The following PLCB1 variants were observed in gnomAD, a reference collection of about 807,000 sequenced individuals.
The protein encoded by PLCB1 is phospholipase C beta 1, also known as 1-phosphatidylinositol 4,5-bisphosphate phosphodiesterase beta-1.
A neutral mutation model predicts 161.8 loss-of-function variants in PLCB1; 46 were observed. The ratio of observed to expected loss-of-function variants is 0.28; its 90% CI spans 0.22 to 0.36. The LOEUF (loss-of-function observed/expected upper bound fraction) is 0.36, where lower values mean the gene tolerates loss of function less well. PLCB1 is among the 10% of genes least tolerant of loss of function. PLCB1 has a pLI of 1.00. For missense variants in PLCB1, 1,016 were observed against 1,472.5 expected (o/e 0.69, Z 5.07); for synonymous variants, 517 against 503.7 (o/e 1.03, Z -0.35).
chr20:8,624,691 A>G (rs1056881169), intron 3 of PLCB1, among the ~76,000 whole-genome samples: 1 of 152,250 alleles, frequency 6.6e-6, no homozygotes, highest in Non-Finnish European at 1.5e-5. Flanking sequence ...AATCATTAAC[A>G]TGAGCTTTAA....
At chr20:8,326,062 A>C (rs528616186) in intron 2 of PLCB1, among the ~76,000 whole-genome samples, 1 of 152,304 alleles carries the variant, frequency 6.6e-6, no homozygotes, top group Non-Finnish European at 1.5e-5. Flanking sequence ...ATTCTTTTAA[A>C]AGAGATTTAC....
chr20:8,612,219 G>A (rs1052246970), intron 3 of PLCB1, among the ~76,000 whole-genome samples: 11 of 152,060 alleles, frequency 7.2e-5, no homozygotes, highest in African/African-American at 2.7e-4. Context: ...TTTGTTGAAT[G>A]AATAAAAAAC....
intron 3 of PLCB1, among the ~76,000 whole-genome samples, chr20:8,390,965 G>A (rs1335556997): frequency 1.3e-5 from 2 of 151,446 alleles, no homozygotes; most frequent in African/African-American, 2.4e-5. Context: ...CAAAATGCAC[G>A]TAAGGCACCT....
intron 2 of PLCB1, among the ~76,000 whole-genome samples, chr20:8,312,205 C>T (rs994356256): frequency 1.3e-5 from 2 of 152,078 alleles, no homozygotes; most frequent in African/African-American, 4.8e-5. Context: ...GGTTATAGAT[C>T]TACCCACCCA....
intron 27 of PLCB1, among the ~76,000 whole-genome samples, chr20:8,787,110 C>G (rs1306147888): frequency 6.6e-6 from 1 of 152,148 alleles, no homozygotes; most frequent in Non-Finnish European, 1.5e-5. Flanking sequence ...GTCACATGGC[C>G]ACAAAAAGTT....
chr20:8,270,174 C>T (rs1007356637), intron 2 of PLCB1, among the ~76,000 whole-genome samples: 1 of 152,020 alleles, frequency 6.6e-6, no homozygotes, highest in African/African-American at 2.4e-5. Flanking sequence ...GCACTGTGAC[C>T]CAGATTCACA....
At chr20:8,665,208 C>A (rs1460830609) in intron 9 of PLCB1, among the ~76,000 whole-genome samples, 1 of 152,156 alleles carries the variant, frequency 6.6e-6, no homozygotes, top group Non-Finnish European at 1.5e-5. Context: ...CTTATAAAGC[C>A]ATTTAACTTC....
chr20:8,836,484 A>G (rs1986290356), intron 31 of PLCB1, among the ~76,000 whole-genome samples: 1 of 152,178 alleles, frequency 6.6e-6, no homozygotes, highest in South Asian at 2.1e-4. Flanking sequence ...TTTTGTCCCA[A>G]GAGTGGTTCT....
At chr20:8,557,648 T>A (rs1169221744) in intron 3 of PLCB1, among the ~76,000 whole-genome samples, 1 of 151,958 alleles carries the variant, frequency 6.6e-6, no homozygotes, top group Admixed American at 6.6e-5. Context: ...ACACAACATT[T>A]TGAATTTAGT....
rs1188505689 is a variant in PLCB1, at chr20:8,831,912, C to CTCTTTCTTTCTT, written c.3423+41710_3423+41721dup. On this transcript the variant is annotated intron_variant, in intron 31 of 31. Coordinates refer to ENST00000338037, the MANE Select transcript of PLCB1 (RefSeq NM_015192.4). ...TCTTTCTTTCTCCCTCTCTTTCTTTCTCTTTCTTTCTTTCTTTCTTTCTTT... is the reference window on the plus strand; with the variant it reads ...TCTTTCTTTCTCCCTCTCTTTCTTTCTCTTTCTTTCTTTCTTTCTTTCTTTCTTTCTTTCTTT... Among the ~76,000 whole-genome samples, 103 of 58,668 alleles carry CTCTTTCTTTCTT rather than the reference C, an allele frequency of 1.8e-3. 1 individual carries two copies. The highest frequency in any genetic ancestry group is 4.6e-3 in the African/African-American group (77 of 16,626). 38.5% of individuals were successfully genotyped at this position (58,668 alleles called of 152,430 possible).
At chr20:8,731,709 G>C (rs953681773) in intron 18 of PLCB1, among the ~76,000 whole-genome samples, 1 of 151,698 alleles carries the variant, frequency 6.6e-6, no homozygotes, top group Admixed American at 6.6e-5. Flanking sequence ...TTATCCTTTT[G>C]TTCCCAAAAT....
chr20:8,354,336 A>C (rs773701339), intron 2 of PLCB1, among the ~76,000 whole-genome samples: 12 of 152,192 alleles, frequency 7.9e-5, no homozygotes, highest in Admixed American at 2.0e-4. Context: ...CTAAAAACAA[A>C]ATCTAAAAGT....
intron 31 of PLCB1, among the ~76,000 whole-genome samples, chr20:8,839,445 C>G (rs1202272291): frequency 6.6e-6 from 1 of 152,164 alleles, no homozygotes; most frequent in African/African-American, 2.4e-5. Context: ...CAGGTCCAGG[C>G]TGCTATGCAA....
chr20:8,267,198 C>T (rs553726708), intron 2 of PLCB1, among the ~76,000 whole-genome samples: 1 of 122,136 alleles, frequency 8.2e-6, no homozygotes, highest in East Asian at 2.5e-4. Context: ...AATAATCATG[C>T]CTTAAGGGTT....
chr20:8,501,971 A>G (rs1365439869), intron 3 of PLCB1, among the ~76,000 whole-genome samples: 2 of 143,662 alleles, frequency 1.4e-5, no homozygotes, highest in African/African-American at 2.6e-5. Flanking sequence ...CAAAGTTGAT[A>G]TTGTTTTCTT....
chr20:8,372,711 T>C (rs1315217291), intron 3 of PLCB1, among the ~76,000 whole-genome samples: 1 of 152,216 alleles, frequency 6.6e-6, no homozygotes, highest in Non-Finnish European at 1.5e-5. Flanking sequence ...GTTTTTAGTA[T>C]AGGAAAGAAT....
intron 2 of PLCB1, among the ~76,000 whole-genome samples, chr20:8,325,037 AT>A (rs1286600597): frequency 1.3e-5 from 2 of 152,218 alleles, no homozygotes; most frequent in Non-Finnish European, 2.9e-5. Flanking sequence ...GAAGCTTTGC[AT>A]TTAAACTGAA....
At chr20:8,225,702 A>G (rs1568596881) in intron 2 of PLCB1, among the ~76,000 whole-genome samples, 1 of 152,342 alleles carries the variant, frequency 6.6e-6, no homozygotes, top group Admixed American at 6.5e-5. Flanking sequence ...GAAGAAATTC[A>G]TCACTGAGAC....
At chr20:8,390,255 C>G (rs1311584451) in intron 3 of PLCB1, among the ~76,000 whole-genome samples, 2 of 152,114 alleles carry the variant, frequency 1.3e-5, no homozygotes, top group Non-Finnish European at 2.9e-5. Flanking sequence ...CCTTTCTCCT[C>G]GGCTTACAGA....
Sources: allele counts gnomAD v4.1 joint callset (sites outside exome capture counted in the v4.1 genomes callset), GRCh38; gene constraint gnomAD v4.1.1; transcripts MANE v1.5; gene names NCBI Gene and HGNC (gene_info 2026-07-23, HGNC 2026-07-21).